Variants in DUSP22 observed in about 807,000 individuals in gnomAD.
The protein encoded by DUSP22 is dual specificity protein phosphatase 22.
DUSP22 carries 24 observed loss-of-function variants against 24.5 expected under a neutral mutation model. That is an observed-to-expected ratio of 0.98 (90% CI 0.71 to 1.38). DUSP22 has a LOEUF of 1.38. Among genes scored for constraint, DUSP22 ranks in the 40% most tolerant of loss-of-function variants. DUSP22 has a pLI of 0.00. For missense variants in DUSP22, 330 were observed against 269.2 expected (o/e 1.23, Z -1.58); for synonymous variants, 160 against 106.4 (o/e 1.50, Z -3.10).
chr6:335,104 T>G lies in DUSP22; in HGVS notation c.139-10T>G. 1 of 1,612,404 alleles carries G rather than the reference T, an allele frequency of 6.2e-7. No individual in the cohort carries two copies. The highest frequency in any genetic ancestry group is 8.5e-7 in the Non-Finnish European group (1 of 1,179,066). On this transcript the variant is annotated splice_polypyrimidine_tract_variant and intron_variant, in intron 3 of 6. Coordinates refer to ENST00000419235, the MANE Select transcript of DUSP22 (RefSeq NM_001286555.3). Reference sequence around the variant, plus strand: ...TTATTTTTATGTATTTACTTTTTATTATTCTGCAGGGAGTTAAATACCTGT... The same window carrying G: ...TTATTTTTATGTATTTACTTTTTATGATTCTGCAGGGAGTTAAATACCTGT...
In DUSP22 at chr6:348,204, G is replaced by C. The variant is rs749686789; in HGVS notation, c.365G>C (p.Arg122Thr). Reference protein sequence around the residue: ...EDALHTVRAGRSCANPNVGFQ... With the variant: ...EDALHTVRAGTSCANPNVGFQ... ...GCCCTGCACACCGTGCGTGCTGGGA[G>C]ATCCTGTGCCAACCCCAACGTGGGC... Residue 122 changes from arginine (R) to threonine (T), a missense_variant, in exon 6 of 7, where the codon AGA (arginine) becomes ACA (threonine). Coordinates refer to ENST00000419235, the MANE Select transcript of DUSP22 (RefSeq NM_001286555.3). The C allele has an allele frequency of 1.2e-5, 20 of 1,614,288 alleles. No individual in the cohort carries two copies. In the Middle Eastern group the frequency reaches 5.0e-4, roughly 40 times the overall value.
chr6:348,367 G>A, intron 6 of DUSP22, 93 bp downstream of exon 6: 1 of 1,565,022 alleles, frequency 6.4e-7, no homozygotes. Flanking sequence ...CATGGCGTTT[G>A]GAGTTGAAAG....
intron 4 of DUSP22, among the ~76,000 whole-genome samples, chr6:341,976 C>G (rs1361274369): frequency 1.7e-5 from 1 of 59,054 alleles, no homozygotes; most frequent in Non-Finnish European, 3.4e-5. Context: ...ATGTAAGAAG[C>G]CCGGTTTCAT....
intron 3 of DUSP22, among the ~76,000 whole-genome samples, chr6:314,319 G>A (rs565452034): frequency 2.4e-3 from 358 of 152,326 alleles, no homozygotes; most frequent in African/African-American, 8.3e-3. Flanking sequence ...CCAGGCTGGG[G>A]CTTGGTAGGA....
chr6:302,973 C>T (rs1166326), intron 1 of DUSP22, among the ~76,000 whole-genome samples: 11,107 of 149,374 alleles, frequency 0.074, 48 homozygotes, highest in Non-Finnish European at 0.12. Flanking sequence ...GGTCTCTGCT[C>T]GCACTGGACT....
At chr6:320,072 AACTCC>A (rs1758520918) in intron 3 of DUSP22, 1 of 152,566 alleles carries the variant, frequency 6.6e-6, no homozygotes. Flanking sequence ...GGAGCCCTAG[AACTCC>A]TGCATGGCTG....
chr6:335,456 C>A (rs530811521), intron 4 of DUSP22, among the ~76,000 whole-genome samples: 1 of 152,420 alleles, frequency 6.6e-6, no homozygotes, highest in South Asian at 2.1e-4. Context: ...GTATGCTCAT[C>A]TTTCCTCTAG....
chr6:348,602 C>T (rs976075611), intron 6 of DUSP22, 167 bp from the exon 7 acceptor site: 2 of 1,213,168 alleles, frequency 1.6e-6, no homozygotes, highest in Admixed American at 4.8e-5. Flanking sequence ...AGTTCCTTCT[C>T]TTGCTTGACC....
intron 6 of DUSP22, chr6:348,552 T>C: frequency 1.1e-6 from 1 of 896,966 alleles, no homozygotes; most frequent in South Asian, 1.8e-5. Flanking sequence ...TTCCTTGGTC[T>C]GGCCTATTTT....
chr6:348,296 T>G lies in DUSP22; in HGVS notation c.435+22T>G, dbSNP rs200179228. On this transcript the variant is annotated intron_variant, in intron 6 of 6. Coordinates refer to ENST00000419235, the MANE Select transcript of DUSP22 (RefSeq NM_001286555.3). ...TCAGGTAAGCAGTTCTTAGGGGACATCAGAGATGCAGGCAGGTGCCCCTGA... is the reference window on the plus strand; with the variant it reads ...TCAGGTAAGCAGTTCTTAGGGGACAGCAGAGATGCAGGCAGGTGCCCCTGA... 1.9e-6 allele frequency: 3 copies of G among 1,613,410 alleles called. No homozygotes were observed. In the African/African-American group the frequency reaches 4.0e-5, roughly 22 times the overall value.
At chr6:292,732 G>A (rs1356031086) in intron 1 of DUSP22, among the ~76,000 whole-genome samples, 172 bp downstream of exon 1, 2 of 152,284 alleles carry the variant, frequency 1.3e-5, no homozygotes, top group Admixed American at 1.3e-4. Flanking sequence ...GGGTTCGGAG[G>A]TGTTCCCGCC....
At chr6:345,200 G>C (rs1026637644) in intron 4 of DUSP22, among the ~76,000 whole-genome samples, 1 of 152,260 alleles carries the variant, frequency 6.6e-6, no homozygotes, top group Non-Finnish European at 1.5e-5. Context: ...GTAAACCACA[G>C]GAAGAATAAA....
intron 3 of DUSP22, among the ~76,000 whole-genome samples, chr6:327,488 C>T: frequency 1.3e-5 from 2 of 152,426 alleles, no homozygotes; most frequent in Middle Eastern, 3.4e-3. Context: ...GCATTCCTTT[C>T]TTCATTTGGA....
chr6:330,416 C>T (rs1336967486), intron 3 of DUSP22, among the ~76,000 whole-genome samples: 1 of 152,306 alleles, frequency 6.6e-6, no homozygotes, highest in Non-Finnish European at 1.5e-5. Context: ...CAGCTGGGCT[C>T]TTGAGAAGAC....
At chr6:323,174 T>TGCTTTTAAAAATGTGTTCTC (rs1758689658) in intron 3 of DUSP22, among the ~76,000 whole-genome samples, 8 of 152,308 alleles carry the variant, frequency 5.3e-5, no homozygotes, top group Admixed American at 3.9e-4. Flanking sequence ...GCTCTGTCCA[T>TGCTTTTAAAAATGTGTTCTC]GCTTTTAAAA....
At chr6:295,023 A>C (rs1757261414) in intron 1 of DUSP22, among the ~76,000 whole-genome samples, 1 of 152,292 alleles carries the variant, frequency 6.6e-6, no homozygotes, top group African/African-American at 2.4e-5. Flanking sequence ...TAACTTAAGA[A>C]CCTTAACTAG....
At chr6:340,196 C>A (rs1759543348) in intron 4 of DUSP22, among the ~76,000 whole-genome samples, 1 of 152,306 alleles carries the variant, frequency 6.6e-6, no homozygotes, top group Non-Finnish European at 1.5e-5. Context: ...TCCCCCAATT[C>A]TATTTTTAAT....
chr6:329,434 G>C (rs574199983), intron 3 of DUSP22, among the ~76,000 whole-genome samples: 1 of 152,306 alleles, frequency 6.6e-6, no homozygotes, highest in Non-Finnish European at 1.5e-5. Flanking sequence ...TGAACTGTAC[G>C]CCTTAAATGG....
chr6:294,191 C>T (rs572076369), intron 1 of DUSP22, among the ~76,000 whole-genome samples: 356 of 152,304 alleles, frequency 2.3e-3, no homozygotes, highest in Middle Eastern at 0.01. Context: ...TACTTTTTAC[C>T]TTTCAAAATG....
Sources: allele counts gnomAD v4.1 joint callset (sites outside exome capture counted in the v4.1 genomes callset), GRCh38; gene constraint gnomAD v4.1.1; transcripts MANE v1.5; gene names NCBI Gene and HGNC (gene_info 2026-07-23, HGNC 2026-07-21).